The following RELN variants were observed in gnomAD, a reference collection of about 807,000 sequenced individuals.
The protein encoded by RELN is reelin.
A neutral mutation model predicts 427.6 loss-of-function variants in RELN; 108 were observed. The observed-to-expected ratio is 0.25, with a 90% CI of 0.22 to 0.30. The LOEUF (loss-of-function observed/expected upper bound fraction) is 0.30, where lower values mean the gene tolerates loss of function less well. Among genes scored for constraint, RELN ranks in the 10% least tolerant of loss-of-function variants. RELN has a pLI of 1.00. For synonymous variants in RELN, 1,524 were observed against 1,513.4 expected, an observed-to-expected ratio of 1.01 and a Z score of -0.16; for missense variants, 3,715 against 4,302.8, an observed-to-expected ratio of 0.86 and a Z score of 3.82.
At chr7:103,535,006 TG>T (rs1257867566) in intron 46 of RELN, among the ~76,000 whole-genome samples, 1 of 152,214 alleles carries the variant, frequency 6.6e-6, no homozygotes, top group African/African-American at 2.4e-5. Context: ...ACGACTTGTC[TG>T]GGCATCTCTG....
chr7:103,926,099 CTTTT>C (rs55899563), intron 1 of RELN, among the ~76,000 whole-genome samples: 5 of 90,074 alleles, frequency 5.6e-5, no homozygotes, highest in East Asian at 3.8e-4. Flanking sequence ...CCCACCCCGC[CTTTT>C]TTTTTTTTTT....
intron 3 of RELN, among the ~76,000 whole-genome samples, chr7:103,823,712 G>C (rs1793063958): frequency 6.6e-6 from 1 of 152,020 alleles, no homozygotes; most frequent in Non-Finnish European, 1.5e-5. Flanking sequence ...TCAATGCTTA[G>C]AGTTTCTAAT....
At chr7:103,754,103 CTT>C (rs1791072187) in intron 4 of RELN, among the ~76,000 whole-genome samples, 1 of 151,918 alleles carries the variant, frequency 6.6e-6, no homozygotes. Flanking sequence ...TTTATGAACT[CTT>C]AATACAGGCC....
chr7:103,553,055 A>G (rs1830447821), intron 40 of RELN, among the ~76,000 whole-genome samples: 1 of 152,190 alleles, frequency 6.6e-6, no homozygotes, highest in Non-Finnish European at 1.5e-5. Context: ...TGTAAAATTA[A>G]TAACATCATG....
At chr7:103,503,273 A>G (rs759122799) in intron 51 of RELN, 43 bp from the exon 52 acceptor site, 2 of 1,568,302 alleles carry the variant, frequency 1.3e-6, no homozygotes, top group Non-Finnish European at 1.8e-6. Context: ...AAACTATATG[A>G]TATGATTCTT....
chr7:103,651,756 G>A lies in RELN; in HGVS notation c.1797C>T (p.Arg599=), dbSNP rs1177913181. ...VSLEFSTNHG[R]SWSLLHTECL... Reference sequence around the variant, plus strand: ...ATTCAGTGTGAAGGAGGGACCAGGAGCGCCCATGGTTGGTAGAAAATTCCA... The same window carrying A: ...ATTCAGTGTGAAGGAGGGACCAGGAACGCCCATGGTTGGTAGAAAATTCCA... The change falls in exon 15 of 65, where the codon CGC becomes CGT. Residue 599 remains arginine, a synonymous_variant. Transcript: ENST00000428762. The A allele has an allele frequency of 3.1e-6, 5 of 1,611,922 alleles. No homozygotes were observed. Among genetic ancestry groups the A allele is most frequent in the Admixed American group, 3.3e-5 (2 of 59,792 alleles).
In RELN at chr7:103,833,848, A is replaced by T. The variant is rs545778500; in HGVS notation, c.338-176T>A. On this transcript the variant is annotated intron_variant, in intron 2 of 64. Coordinates refer to ENST00000428762, the MANE Select transcript of RELN (RefSeq NM_005045.4). ...TGCTACAGGGAAATTAATCACTTAAAATATTATGGTTAAAGGAGTGACCTG... is the reference window on the plus strand; with the variant it reads ...TGCTACAGGGAAATTAATCACTTAATATATTATGGTTAAAGGAGTGACCTG... Among the ~76,000 whole-genome samples, 5 of 152,362 alleles carry T rather than the reference A, an allele frequency of 3.3e-5. No homozygotes were observed. In the East Asian group the frequency reaches 9.6e-4, roughly 29 times the overall value.
intron 27 of RELN, among the ~76,000 whole-genome samples, chr7:103,590,707 G>A (rs1030096537): frequency 1.3e-5 from 2 of 152,132 alleles, no homozygotes; most frequent in Admixed American, 6.5e-5. Flanking sequence ...TGGTGTACTT[G>A]TATGGAGGAC....
In RELN at chr7:103,873,885, C is replaced by T. The variant is rs1474430331; in HGVS notation, c.338-40213G>A. On this transcript the variant is annotated intron_variant, in intron 2 of 64. Transcript: ENST00000428762. ...GCCAGCATCATTCTGATACCAAAGC[C>T]GGGCAGAGACACAACCAAAAAGGAG... 1.1e-3 allele frequency among the ~76,000 whole-genome samples: 126 copies of T among 114,360 alleles called. 4 individuals carry two copies. The highest frequency in any genetic ancestry group is 3.6e-3 in the South Asian group (7 of 1,934). 75.0% of individuals were successfully genotyped at this position (114,360 alleles called of 152,430 possible).
At chr7:103,813,249 C>T (rs895274952) in intron 3 of RELN, among the ~76,000 whole-genome samples, 12 of 152,138 alleles carry the variant, frequency 7.9e-5, no homozygotes, top group African/African-American at 2.9e-4. Flanking sequence ...GTAACACCCA[C>T]ATCCTTGTCA....
At chr7:103,955,547 G>C (rs186797676) in intron 1 of RELN, among the ~76,000 whole-genome samples, 1 of 152,246 alleles carries the variant, frequency 6.6e-6, no homozygotes, top group East Asian at 1.9e-4. Flanking sequence ...TCCAGTTCTA[G>C]AAAATCATCT....
At chr7:103,512,235 G>A (rs1201051925) in intron 50 of RELN, among the ~76,000 whole-genome samples, 1 of 152,110 alleles carries the variant, frequency 6.6e-6, no homozygotes, top group African/African-American at 2.4e-5. Context: ...TTTAAGAAAT[G>A]AGTTTATAAC....
intron 2 of RELN, among the ~76,000 whole-genome samples, chr7:103,893,241 G>C (rs962687827): frequency 2.0e-5 from 3 of 152,130 alleles, no homozygotes; most frequent in Non-Finnish European, 2.9e-5. Flanking sequence ...AGAACTCTCA[G>C]GTGGGACTCA....
At chr7:103,641,041 C>T (rs182244197) in intron 16 of RELN, among the ~76,000 whole-genome samples, 2 of 152,172 alleles carry the variant, frequency 1.3e-5, no homozygotes, top group Admixed American at 6.5e-5. Context: ...TGTGGATGAC[C>T]GTTACATATA....
chr7:103,644,669 C>T (rs1006124205), intron 16 of RELN, among the ~76,000 whole-genome samples: 7 of 151,362 alleles, frequency 4.6e-5, no homozygotes, highest in African/African-American at 9.7e-5. Flanking sequence ...AAGGTATTAC[C>T]GAGGGAGAAG....
chr7:103,825,028 T>C (rs1584270957), intron 3 of RELN, among the ~76,000 whole-genome samples: 1 of 152,172 alleles, frequency 6.6e-6, no homozygotes, highest in East Asian at 1.9e-4. Flanking sequence ...GGCTGCCTGG[T>C]ACACCAGTAC....
intron 2 of RELN, among the ~76,000 whole-genome samples, chr7:103,836,442 A>G (rs1793410915): frequency 6.6e-6 from 1 of 152,226 alleles, no homozygotes; most frequent in South Asian, 2.1e-4. Flanking sequence ...AGCACAGAAC[A>G]GAACATGTCC....
intron 2 of RELN, among the ~76,000 whole-genome samples, chr7:103,842,681 T>C (rs1793581039): frequency 6.6e-6 from 1 of 152,224 alleles, no homozygotes; most frequent in Non-Finnish European, 1.5e-5. Flanking sequence ...GATTTGATTA[T>C]TTGGTTTCAG....
chr7:103,490,358 A>G lies in RELN; in HGVS notation c.9605+310T>C, dbSNP rs2041006. On this transcript the variant is annotated intron_variant, in intron 59 of 64. Coordinates refer to ENST00000428762, the MANE Select transcript of RELN (RefSeq NM_005045.4). ...ACACTGGGGCAGAACTGGTGCCAAC[A>G]CCAGTCTTGGATTGGGGTCTGTCAT... is the stretch of plus-strand genomic sequence containing the variant. Among the ~76,000 whole-genome samples the G allele has an allele frequency of 0.45, 67,930 of 152,022 alleles. 17,316 individuals carry two copies. Among genetic ancestry groups the G allele is most frequent in the African/African-American group, 0.7 (29,222 of 41,480 alleles).
Sources: allele counts gnomAD v4.1 joint callset (sites outside exome capture counted in the v4.1 genomes callset), GRCh38; gene constraint gnomAD v4.1.1; transcripts MANE v1.5; gene names NCBI Gene and HGNC (gene_info 2026-07-23, HGNC 2026-07-21).